The following MGA variants were observed in gnomAD, a reference collection of about 807,000 sequenced individuals.
MGA encodes the protein MAX dimerization protein MGA.
In MGA, 40 loss-of-function variants were observed where a neutral mutation model predicts 261.1. That is an observed-to-expected ratio of 0.15 (90% CI 0.12 to 0.20). The LOEUF (loss-of-function observed/expected upper bound fraction) is 0.20. MGA is among the 10% of genes least tolerant of loss of function. MGA has a pLI of 1.00. For missense variants in MGA, 3,397 were observed against 3,630.5 expected, an observed-to-expected ratio of 0.94 and a Z score of 1.65; for synonymous variants, 1,302 against 1,290.6, an observed-to-expected ratio of 1.01 and a Z score of -0.19.
At chr15:41,734,127 T>G (rs1237503720) in intron 11 of MGA, among the ~76,000 whole-genome samples, 1 of 152,132 alleles carries the variant, frequency 6.6e-6, no homozygotes, top group Non-Finnish European at 1.5e-5. Context: ...CAGGCTGGTT[T>G]GAACTCCTGG....
chr15:41,743,271 T>C (rs2062221660), intron 15 of MGA, 99 bp downstream of exon 15: 1 of 1,337,734 alleles, frequency 7.5e-7, no homozygotes, highest in Non-Finnish European at 1.0e-6. Context: ...GATAACAGTA[T>C]AGGTATTTCT....
intron 2 of MGA, among the ~76,000 whole-genome samples, chr15:41,674,564 G>C (rs1595665756): frequency 2.6e-5 from 4 of 151,750 alleles, no homozygotes; most frequent in African/African-American, 9.7e-5. Flanking sequence ...GTGTCACCCA[G>C]GCTGAAACGT....
intron 2 of MGA, among the ~76,000 whole-genome samples, chr15:41,684,139 T>G (rs2058822354): frequency 6.6e-6 from 1 of 152,158 alleles, no homozygotes; most frequent in Admixed American, 6.6e-5. Context: ...TGTAAATTCC[T>G]TGAATGTAGA....
At chr15:41,677,427 A>G (rs1039605815) in intron 2 of MGA, among the ~76,000 whole-genome samples, 3 of 152,218 alleles carry the variant, frequency 2.0e-5, no homozygotes, top group South Asian at 2.1e-4. Flanking sequence ...GGAGTGAGCC[A>G]CTGCACCTGG....
rs200184779 is a variant in MGA, at chr15:41,649,668, C to CTTGT, written c.-67-19137_-67-19134dup. Among the ~76,000 whole-genome samples, 319 of 151,818 alleles carry CTTGT rather than the reference C, an allele frequency of 2.1e-3. 2 individuals carry two copies. The highest frequency in any genetic ancestry group is 0.013 in the East Asian group (67 of 5,150). On this transcript the variant is annotated intron_variant, in intron 1 of 8. Transcript: ENST00000566718. ...GTCTTATTGTCATCTTCCACACCATCTTGTTTGTTTGTTTGTTTGTTTGTT... is the reference window on the plus strand; with the variant it reads ...GTCTTATTGTCATCTTCCACACCATCTTGTTTGTTTGTTTGTTTGTTTGTTTGTT...
chr15:41,696,899 A>G lies in MGA; in HGVS notation c.1889A>G (p.Lys630Arg). Residue 630 changes from lysine (K) to arginine (R), a missense_variant, in exon 3 of 24, where the codon AAG becomes AGG. Lys to Arg is a conservative substitution (Grantham distance 26). Coordinates refer to ENST00000219905, the MANE Select transcript of MGA (RefSeq NM_001164273.2). Reference sequence around the variant, plus strand: ...CTCTGTAAGGCAGGACGACCACCTAAGAACACAGGAAAGTCTTTAATTTCT... The same window carrying G: ...CTCTGTAAGGCAGGACGACCACCTAGGAACACAGGAAAGTCTTTAATTTCT... The G allele has an allele frequency of 1.9e-6, 3 of 1,598,760 alleles. No homozygotes were observed. Among genetic ancestry groups the G allele is most frequent in the Non-Finnish European group, 2.6e-6 (3 of 1,172,198 alleles).
intron 1 of MGA, among the ~76,000 whole-genome samples, chr15:41,636,919 G>A (rs1161828576): frequency 1.3e-5 from 2 of 152,020 alleles, no homozygotes; most frequent in East Asian, 1.9e-4. Context: ...CCTGGAACCA[G>A]TCCCCATAAA....
At chr15:41,637,180 T>C (rs1195335975) in intron 1 of MGA, among the ~76,000 whole-genome samples, 1 of 151,486 alleles carries the variant, frequency 6.6e-6, no homozygotes, top group African/African-American at 2.4e-5. Flanking sequence ...ATGATAAGAG[T>C]GAGTATTGTT....
chr15:41,742,859 C>A lies in MGA; in HGVS notation c.4899C>A (p.Thr1633=). The A allele has an allele frequency of 6.2e-7, 1 of 1,613,934 alleles. No homozygotes were observed. The highest frequency in any genetic ancestry group is 1.1e-5 in the South Asian group (1 of 91,082). The change falls in exon 15 of 24, where the codon ACC becomes ACA. Residue 1633 remains threonine (T), a synonymous_variant. Transcript: ENST00000219905. ...AAACTACTTATTCTTCTGGTGCCAC[C>A]ACTACAGGGGTTGTTGAGGTCTCTG...
intron 1 of MGA, among the ~76,000 whole-genome samples, chr15:41,644,952 A>G (rs1173820898): frequency 2.0e-5 from 3 of 152,232 alleles, no homozygotes; most frequent in South Asian, 2.1e-4. Context: ...GTAGGTACAT[A>G]TATTAAAAGA....
At chr15:41,691,714 A>G (rs779876952) in intron 2 of MGA, 9 of 420,586 alleles carry the variant, frequency 2.1e-5, no homozygotes, top group Admixed American at 1.4e-4. Flanking sequence ...TTTTCTTTCA[A>G]CACTTCATGA....
chr15:41,665,560 G>A (rs1383706614), intron 1 of MGA, among the ~76,000 whole-genome samples: 2 of 152,080 alleles, frequency 1.3e-5, no homozygotes, highest in Non-Finnish European at 2.9e-5. Flanking sequence ...TAGAGATGGA[G>A]TCTCACTGTG....
At chr15:41,679,281 C>T (rs1326416477) in intron 2 of MGA, among the ~76,000 whole-genome samples, 6 of 152,100 alleles carry the variant, frequency 3.9e-5, no homozygotes, top group Non-Finnish European at 5.9e-5. Flanking sequence ...GTGATCCGCC[C>T]GCCTTGGCCT....
intron 1 of MGA, among the ~76,000 whole-genome samples, chr15:41,632,457 G>T (rs137866522): frequency 1.3e-5 from 2 of 152,218 alleles, no homozygotes; most frequent in East Asian, 3.9e-4. Context: ...AAGAAGTCTG[G>T]GACATGACCA....
chr15:41,672,491 A>T (rs183833510), intron 2 of MGA, among the ~76,000 whole-genome samples: 72 of 152,220 alleles, frequency 4.7e-4, no homozygotes, highest in Admixed American at 1.9e-3. Flanking sequence ...AGCTGTTGGG[A>T]TTACATATGG....
chr15:41,769,546 T>C lies in MGA; in HGVS notation c.*2266T>C, dbSNP rs2063951720. On this transcript the variant is annotated 3_prime_UTR_variant, in exon 24 of 24. Transcript: ENST00000219905. ...TAGTCTTCAGAACAATCCTGCAGTC[T>C]TGACAGAAATCTAAAATCTCCAAAA... 2.0e-5 allele frequency: 3 copies of C among 152,264 alleles called. No homozygotes were observed. The South Asian group carries it at 6.2e-4, about 32-fold the overall frequency. The allele number at this position is 152,264 out of a possible 1,614,324, so 9.4% of individuals were successfully genotyped here.
chr15:41,738,104 A>G (rs1567056967), intron 13 of MGA, among the ~76,000 whole-genome samples: 1 of 152,134 alleles, frequency 6.6e-6, no homozygotes, highest in Non-Finnish European at 1.5e-5. Context: ...CTCCATTAAT[A>G]ATATGATTGA....
chr15:41,696,268 G>A lies in MGA; in HGVS notation c.1258G>A (p.Asp420Asn). 6.2e-7 allele frequency: 1 copy of A among 1,613,888 alleles called. No individual in the cohort carries two copies. The highest frequency in any genetic ancestry group is 8.5e-7 in the Non-Finnish European group (1 of 1,179,898). ...GGATGTATACTCAAACAGTGATGATGATCCTATACTAGAGAAACAGCTAAA... is the reference window on the plus strand; with the variant it reads ...GGATGTATACTCAAACAGTGATGATAATCCTATACTAGAGAAACAGCTAAA... The change falls in exon 3 of 24, where the codon GAT (aspartate) becomes AAT (asparagine). Residue 420 changes from aspartate to asparagine, a missense_variant. By Grantham distance (23) the Asp-to-Asn change is conservative. Transcript: ENST00000219905.
chr15:41,765,899 T>G, intron 23 of MGA, 105 bp from the exon 24 acceptor site: 1 of 928,016 alleles, frequency 1.1e-6, no homozygotes, highest in Non-Finnish European at 1.6e-6. Context: ...AGTGCTGAAT[T>G]TAGACTACAA....
Sources: allele counts gnomAD v4.1 joint callset (sites outside exome capture counted in the v4.1 genomes callset), GRCh38; gene constraint gnomAD v4.1.1; transcripts MANE v1.5; gene names NCBI Gene and HGNC (gene_info 2026-07-23, HGNC 2026-07-21).